NSMCE2: variants seen among roughly 807,000 people sequenced by gnomAD.
The protein encoded by NSMCE2 is NSE2 SUMO ligase component of SMC5/6 complex, also known as E3 SUMO-protein ligase NSE2.
NSMCE2 carries 24 observed loss-of-function variants against 23.8 expected under a neutral mutation model. The ratio of observed to expected loss-of-function variants is 1.01; its 90% CI spans 0.73 to 1.42. The LOEUF (loss-of-function observed/expected upper bound fraction) is 1.42. Ranked by LOEUF, NSMCE2 falls within the 40% of genes most tolerant of loss-of-function variation. The pLI is 0.00. For synonymous variants in NSMCE2, 92 were observed against 94.1 expected (o/e 0.98, Z 0.13); for missense variants, 284 against 296.5 (o/e 0.96, Z 0.31).
In NSMCE2 at chr8:125,102,338, G is replaced by A. The variant is rs769726853; in HGVS notation, c.8G>A (p.Gly3Glu). The A allele has an allele frequency of 6.2e-7, 1 of 1,613,448 alleles. No homozygotes were observed. The highest frequency in any genetic ancestry group is 2.2e-5 in the East Asian group (1 of 44,864). Residue 3 changes from glycine (G) to glutamate (E), a missense_variant, in exon 3 of 8, where the codon GGA (glycine) becomes GAA (glutamate). Physicochemically the swap from Gly to Glu is moderately conservative, Grantham distance 98. Coordinates refer to ENST00000287437, the MANE Select transcript of NSMCE2 (RefSeq NM_173685.4). ...TTAGGTACTAATTTCAAGATGCCAG[G>A]ACGTTCCAGTTCAAATTCAGGTTCA... MPGRSSSNSGSTG... is the reference protein window; with the variant it reads MPERSSSNSGSTG...
At chr8:125,342,025 G>T (rs189030659) in intron 5 of NSMCE2, among the ~76,000 whole-genome samples, 41 of 152,286 alleles carry the variant, frequency 2.7e-4, no homozygotes, top group African/African-American at 9.9e-4. Context: ...CAGGTGGTGG[G>T]GGGGTTAAGG....
intron 5 of NSMCE2, among the ~76,000 whole-genome samples, chr8:125,256,079 C>CAAG (rs1826393836): frequency 6.6e-6 from 1 of 151,990 alleles, no homozygotes; most frequent in East Asian, 1.9e-4. Flanking sequence ...GTCAAGAGAT[C>CAAG]AAGACCATCC....
At chr8:125,134,169 A>G (rs1819932340) in intron 3 of NSMCE2, among the ~76,000 whole-genome samples, 1 of 152,254 alleles carries the variant, frequency 6.6e-6, no homozygotes, top group South Asian at 2.1e-4. Flanking sequence ...TATGTAAAAA[A>G]TCTGTATTGA....
intron 3 of NSMCE2, among the ~76,000 whole-genome samples, chr8:125,117,954 A>G (rs56311879): frequency 8.2e-4 from 125 of 152,288 alleles, no homozygotes; most frequent in Non-Finnish European, 1.6e-3. Context: ...CCCTTTTGTT[A>G]ATTTTTGAAC....
chr8:125,307,312 G>A (rs1828804396), intron 5 of NSMCE2, among the ~76,000 whole-genome samples: 1 of 152,236 alleles, frequency 6.6e-6, no homozygotes, highest in African/African-American at 2.4e-5. Flanking sequence ...TGAAAGCATG[G>A]TGTATGGCGA....
chr8:125,103,671 G>C (rs1005914480), intron 3 of NSMCE2, among the ~76,000 whole-genome samples: 19 of 152,028 alleles, frequency 1.2e-4, no homozygotes, highest in African/African-American at 3.9e-4. Context: ...ATTTTTTCCA[G>C]TCTTTTTACT....
chr8:125,206,048 C>T (rs192962504), intron 5 of NSMCE2, among the ~76,000 whole-genome samples: 195 of 152,140 alleles, frequency 1.3e-3, no homozygotes, highest in African/African-American at 4.6e-3. Flanking sequence ...CAATCAAGAG[C>T]TTTGTGAAAA....
At chr8:125,256,659 C>T (rs1826431311) in intron 5 of NSMCE2, among the ~76,000 whole-genome samples, 1 of 152,096 alleles carries the variant, frequency 6.6e-6, no homozygotes. Flanking sequence ...GGTGCGGTGG[C>T]TCACGCCTGT....
At chr8:125,263,460 A>C (rs1826785022) in intron 5 of NSMCE2, among the ~76,000 whole-genome samples, 1 of 152,142 alleles carries the variant, frequency 6.6e-6, no homozygotes, top group Admixed American at 6.5e-5. Flanking sequence ...TCTAGAAAGA[A>C]GTAAGAGGGC....
intron 5 of NSMCE2, among the ~76,000 whole-genome samples, chr8:125,325,909 G>A (rs935173243): frequency 7.2e-5 from 11 of 152,046 alleles, no homozygotes; most frequent in South Asian, 2.1e-4. Flanking sequence ...CCAAGATTGC[G>A]GCACTGTACT....
chr8:125,140,452 C>G lies in NSMCE2; in HGVS notation c.158-10719C>G, dbSNP rs569875470. Among the ~76,000 whole-genome samples the G allele has an allele frequency of 2.0e-5, 3 of 152,242 alleles. No individual in the cohort carries two copies. In the East Asian group the frequency reaches 5.8e-4, roughly 29 times the overall value. ...CCAAGGCGGGAGAATTACTTGAGGTCAGGAGTTTGAGACCAGCCTGGCCAA... is the reference window on the plus strand; with the variant it reads ...CCAAGGCGGGAGAATTACTTGAGGTGAGGAGTTTGAGACCAGCCTGGCCAA... On this transcript the variant is annotated intron_variant, in intron 3 of 7. Transcript: ENST00000287437.
At chr8:125,212,448 G>GCT (rs1460612672) in intron 5 of NSMCE2, among the ~76,000 whole-genome samples, 2 of 152,134 alleles carry the variant, frequency 1.3e-5, no homozygotes, top group Non-Finnish European at 2.9e-5. Flanking sequence ...TGTGCAGGAG[G>GCT]CTTTGTTCAT....
intron 5 of NSMCE2, among the ~76,000 whole-genome samples, chr8:125,267,781 A>T (rs1298674933): frequency 6.6e-6 from 1 of 152,210 alleles, no homozygotes; most frequent in Non-Finnish European, 1.5e-5. Flanking sequence ...GTCTCAAAAA[A>T]TAGTAATCGG....
intron 5 of NSMCE2, among the ~76,000 whole-genome samples, chr8:125,269,435 C>T (rs140484482): frequency 1.3e-5 from 2 of 152,230 alleles, no homozygotes; most frequent in African/African-American, 4.8e-5. Context: ...CTGATTTGGT[C>T]TTTGAAATAC....
At chr8:125,190,343 G>C (rs1823291880) in intron 5 of NSMCE2, among the ~76,000 whole-genome samples, 2 of 152,084 alleles carry the variant, frequency 1.3e-5, no homozygotes, top group Non-Finnish European at 2.9e-5. Flanking sequence ...TGGTGAAGCA[G>C]CCTCAGAGAG....
chr8:125,262,136 A>G (rs1826719683), intron 5 of NSMCE2, among the ~76,000 whole-genome samples: 1 of 142,810 alleles, frequency 7.0e-6, no homozygotes, highest in Admixed American at 7.0e-5. Context: ...TATAAAATAA[A>G]TTGTATAGGC....
intron 3 of NSMCE2, among the ~76,000 whole-genome samples, chr8:125,122,077 C>T (rs1045772892): frequency 1.3e-5 from 2 of 150,256 alleles, no homozygotes; most frequent in East Asian, 2.0e-4. Flanking sequence ...GCTCTGACAC[C>T]GTTATGCCTG....
intron 3 of NSMCE2, among the ~76,000 whole-genome samples, chr8:125,121,917 A>G (rs1194311484): frequency 6.6e-6 from 1 of 152,142 alleles, no homozygotes; most frequent in African/African-American, 2.4e-5. Context: ...GATTGGAAAT[A>G]TACATTTTAA....
At chr8:125,098,250 A>G (rs1818029702) in intron 1 of NSMCE2, among the ~76,000 whole-genome samples, 1 of 152,310 alleles carries the variant, frequency 6.6e-6, no homozygotes, top group Non-Finnish European at 1.5e-5. Context: ...GATATATCAG[A>G]GTTAGAATTA....
Sources: gnomAD v4.1 joint callset for allele counts (sites outside exome capture counted in the v4.1 genomes callset) on GRCh38, gnomAD v4.1.1 for gene constraint, MANE v1.5 for transcripts, NCBI Gene and HGNC (gene_info 2026-07-23, HGNC 2026-07-21) for gene names.